IZUMO2: variants seen among roughly 807,000 people sequenced by gnomAD.
The protein encoded by IZUMO2 is IZUMO family member 2.
Under a neutral mutation model 31.2 loss-of-function variants are expected in IZUMO2, and 24 were observed. The ratio of observed to expected loss-of-function variants is 0.77; its 90% CI spans 0.56 to 1.08. The LOEUF is 1.08. Ranked by LOEUF, IZUMO2 falls within the 50% of genes least tolerant of loss-of-function variation. IZUMO2 has a pLI of 0.00. For synonymous variants in IZUMO2, 144 were observed against 117.3 expected, an observed-to-expected ratio of 1.23 and a Z score of -1.47; for missense variants, 278 against 274.0, an observed-to-expected ratio of 1.01 and a Z score of -0.10.
intron 5 of IZUMO2, among the ~76,000 whole-genome samples, chr19:50,156,659 T>G (rs2030221817): frequency 1.3e-5 from 2 of 150,636 alleles, no homozygotes; most frequent in Admixed American, 1.3e-4. Flanking sequence ...GTGCAGTGAC[T>G]CATGCCTGTA....
At chr19:50,161,928 G>A (rs1369613694) in intron 2 of IZUMO2, among the ~76,000 whole-genome samples, 3 of 152,152 alleles carry the variant, frequency 2.0e-5, no homozygotes, top group Non-Finnish European at 4.4e-5. Flanking sequence ...AAAAAAATTT[G>A]GCTCTTGCCT....
rs111621988 is a variant in IZUMO2 at position 50,157,855 on chromosome 19, G to A, written c.496+413C>T. Reference sequence around the variant, plus strand: ...GAATCACTTGAACCTGGGAGGCAGAGGTTGCAGTGAGCCAAGATCCTGCCA... The same window carrying A: ...GAATCACTTGAACCTGGGAGGCAGAAGTTGCAGTGAGCCAAGATCCTGCCA... On this transcript the variant is annotated intron_variant, in intron 5 of 6. Transcript: ENST00000293405. Among the ~76,000 whole-genome samples, 60 of 150,816 alleles carry A rather than the reference G, an allele frequency of 4.0e-4. 1 individual carries two copies. The highest frequency in any genetic ancestry group is 1.3e-3 in the African/African-American group (55 of 40,964).
At chr19:50,156,581 T>C (rs2030218180) in intron 5 of IZUMO2, among the ~76,000 whole-genome samples, 1 of 151,968 alleles carries the variant, frequency 6.6e-6, no homozygotes, top group Non-Finnish European at 1.5e-5. Context: ...CCCTTCTTTT[T>C]CAATGCCAAT....
At position 50,153,423 on chromosome 19, in the gene IZUMO2, GGAGA is replaced by G. The variant is rs1298096408; in HGVS notation, c.624-776_624-773del. Among the ~76,000 whole-genome samples the G allele has an allele frequency of 4.6e-5, 7 of 152,318 alleles. No homozygotes were observed. The East Asian group carries it at 1.4e-3, about 29-fold the overall frequency. On this transcript the variant is annotated intron_variant, in intron 6 of 6. Coordinates refer to ENST00000293405, the MANE Select transcript of IZUMO2 (RefSeq NM_152358.3). The stretch of plus-strand genomic sequence containing the variant: ...AATACACAGGGAGACAGAGAAATGA[GGAGA>G]GAGAGTTGGAAGAGAGGCTGAGCAA...
chr19:50,152,989 C>T (rs2030080216), intron 6 of IZUMO2, among the ~76,000 whole-genome samples: 1 of 152,240 alleles, frequency 6.6e-6, no homozygotes, highest in East Asian at 1.9e-4. Flanking sequence ...GTGTCCCCCA[C>T]CCCAAAGATA....
At position 50,152,606 on chromosome 19, in the gene IZUMO2, G is replaced by A. The variant is rs376912860; in HGVS notation, c.*3C>T. On this transcript the variant is annotated 3_prime_UTR_variant, in exon 7 of 7. Transcript: ENST00000293405. ...CCTTTCTCCTTACCCCCAAACCACC[G>A]TCCTACTGCAGCAGGAGTTTTCGGT... The A allele has an allele frequency of 2.7e-5, 44 of 1,610,908 alleles. No homozygotes were observed. Among genetic ancestry groups the A allele is most frequent in the Middle Eastern group, 3.3e-4 (2 of 6,062 alleles).
In IZUMO2 at chr19:50,163,171, CA is replaced by C. The variant is rs903398447; in HGVS notation, c.23del (p.Leu8ArgfsTer50). On this transcript the variant is annotated frameshift_variant, in exon 1 of 7. Transcript: ENST00000293405. LOFTEE classifies it high-confidence loss of function. The part of the protein sequence containing the change: MPLALTL[L>X]LLSGLGAPGG... ...CGGGGGCGCCCAAGCCCGAGAGCAG[CA>C]GAAGGGTCAAAGCCAGAGGCATGGC... The C allele has an allele frequency of 3.9e-6, 6 of 1,555,706 alleles. No individual in the cohort carries two copies. In the Admixed American group the frequency reaches 1.2e-4, roughly 31 times the overall value.
chr19:50,156,568 A>G lies in IZUMO2; in HGVS notation c.496+1700T>C, dbSNP rs1230008484. ...AAAAGTGGGACACTCTATAGGACACACTCCCTTCTTTTTCAATGCCAATGT... is the reference window on the plus strand; with the variant it reads ...AAAAGTGGGACACTCTATAGGACACGCTCCCTTCTTTTTCAATGCCAATGT... On this transcript the variant is annotated intron_variant, in intron 5 of 6. Coordinates refer to ENST00000293405, the MANE Select transcript of IZUMO2 (RefSeq NM_152358.3). 2.0e-5 allele frequency among the ~76,000 whole-genome samples: 3 copies of G among 150,946 alleles called. No homozygotes were observed. The Admixed American group carries it at 2.0e-4, about 10-fold the overall frequency.
chr19:50,162,430 A>G (rs1248025984), intron 2 of IZUMO2, among the ~76,000 whole-genome samples: 8 of 152,092 alleles, frequency 5.3e-5, no homozygotes, highest in African/African-American at 1.9e-4. Flanking sequence ...CAATATAATG[A>G]GACCCAGTCT....
chr19:50,154,532 G>A, intron 6 of IZUMO2, 68 bp downstream of exon 6: 1 of 1,559,910 alleles, frequency 6.4e-7, no homozygotes, highest in Non-Finnish European at 8.8e-7. Context: ...CCCATCCAGG[G>A]GAGTCGCCAT....
At position 50,159,569 on chromosome 19, in the gene IZUMO2, G is replaced by C. The variant is rs201185081; in HGVS notation, c.319C>G (p.Leu107Val). The part of the protein sequence containing the change: ...MGNSLKDEPL[L>V]EELVTLRANV... ...GCCCTGAGGGTCACCAGCTCTTCCA[G>C]CAGAGGCTCATCTGAGGAGAGAAAG... The change falls in exon 3 of 7, where the codon CTG (leucine) becomes GTG (valine). Residue 107 changes from leucine (L) to valine (V), a missense_variant. Leu to Val is a conservative substitution (Grantham distance 32). Transcript: ENST00000293405. 6.2e-7 allele frequency: 1 copy of C among 1,612,030 alleles called. No homozygotes were observed. The highest frequency in any genetic ancestry group is 1.1e-5 in the South Asian group (1 of 91,022).
rs1263272847 is a variant in IZUMO2 at position 50,154,284 on chromosome 19, T to G, written c.623+316A>C. ...TTAGCGTTTTTTTTTTTTTTTTTTT[T>G]TTTTTTTTTTTTTAATGTAAGAAGA... On this transcript the variant is annotated intron_variant, in intron 6 of 6. Transcript: ENST00000293405. 1.8e-4 allele frequency among the ~76,000 whole-genome samples: 26 copies of G among 141,186 alleles called. 1 individual carries two copies. The highest frequency in any genetic ancestry group is 4.3e-4 in the Admixed American group (6 of 14,102). The allele number at this position is 141,186 out of a possible 152,430, so 92.6% of individuals were successfully genotyped here.
In IZUMO2 at chr19:50,154,650, GATGCCCAAC is replaced by G. The variant is rs2030153563; in HGVS notation, c.564_572del (p.Gly190_Leu192del). On this transcript the variant is annotated inframe_deletion, in exon 6 of 7. Coordinates refer to ENST00000293405, the MANE Select transcript of IZUMO2 (RefSeq NM_152358.3). ...AGACAGCCAGAGACACAGAAATGAG[GATGCCCAAC>G]AGCGCCTGGTTCCTCGGGTATTTGC... is the stretch of plus-strand genomic sequence containing the variant. 4 of 1,613,914 alleles carry G rather than the reference GATGCCCAAC, an allele frequency of 2.5e-6. No individual in the cohort carries two copies. In the South Asian group the frequency reaches 4.4e-5, roughly 18 times the overall value.
intron 2 of IZUMO2, among the ~76,000 whole-genome samples, chr19:50,161,164 G>A (rs1286685198): frequency 1.6e-5 from 2 of 126,832 alleles, no homozygotes; most frequent in African/African-American, 3.1e-5. Flanking sequence ...TGCTCTTGTT[G>A]CCCAGGCTGG....
chr19:50,155,459 G>A (rs978204043), intron 5 of IZUMO2, among the ~76,000 whole-genome samples: 5 of 152,176 alleles, frequency 3.3e-5, no homozygotes, highest in African/African-American at 2.4e-5. Flanking sequence ...TGCAAAATGC[G>A]AACAGTTTCA....
rs1600816730 is a variant in IZUMO2 at position 50,162,866 on chromosome 19, A to T, written c.233-53T>A. 1.1e-5 allele frequency: 17 copies of T among 1,600,176 alleles called. No individual in the cohort carries two copies. The South Asian group carries it at 1.4e-4, about 13-fold the overall frequency. On this transcript the variant is annotated intron_variant, in intron 1 of 6. Coordinates refer to ENST00000293405, the MANE Select transcript of IZUMO2 (RefSeq NM_152358.3). ...AGTGAGCCCCCCAGAGAGCCAAGTGACCTCACCCCCTCCAGGCCTGGCCCC... is the reference window on the plus strand; with the variant it reads ...AGTGAGCCCCCCAGAGAGCCAAGTGTCCTCACCCCCTCCAGGCCTGGCCCC...
intron 2 of IZUMO2, 21 bp from the exon 3 acceptor site, chr19:50,159,601 C>T: frequency 1.3e-6 from 2 of 1,564,152 alleles, no homozygotes; most frequent in South Asian, 1.1e-5. Context: ...AAAGAGATCT[C>T]TGTGGGGTGG....
chr19:50,162,424 A>G (rs1014543537), intron 2 of IZUMO2, among the ~76,000 whole-genome samples: 3 of 152,144 alleles, frequency 2.0e-5, no homozygotes, highest in Admixed American at 2.0e-4. Flanking sequence ...CCTGGGCAAT[A>G]TAATGAGACC....
intron 2 of IZUMO2, among the ~76,000 whole-genome samples, chr19:50,160,955 T>C (rs2030377950): frequency 6.6e-6 from 1 of 152,066 alleles, no homozygotes; most frequent in Non-Finnish European, 1.5e-5. Context: ...TCCAATTGGA[T>C]GTCTAAGAGG....
Sources: gnomAD v4.1 joint callset for allele counts (sites outside exome capture counted in the v4.1 genomes callset) on GRCh38, gnomAD v4.1.1 for gene constraint, MANE v1.5 for transcripts, NCBI Gene and HGNC (gene_info 2026-07-23, HGNC 2026-07-21) for gene names.